The following LTBP1 variants were observed in gnomAD, a reference collection of about 807,000 sequenced individuals.
The protein encoded by LTBP1 is latent transforming growth factor beta binding protein 1.
Under a neutral mutation model 207.6 loss-of-function variants are expected in LTBP1, and 129 were observed. The observed-to-expected ratio is 0.62, with a 90% confidence interval of 0.54 to 0.72. LTBP1 has a LOEUF of 0.72. Among genes scored for constraint, LTBP1 ranks in the 30% least tolerant of loss-of-function variants. The pLI is 0.00. For synonymous variants in LTBP1, 963 were observed against 833.7 expected, an observed-to-expected ratio of 1.16 and a Z score of -2.67; for missense variants, 2,281 against 2,217.2, an observed-to-expected ratio of 1.03 and a Z score of -0.58.
At chr2:33,006,113 A>G (rs1686826039) in intron 2 of LTBP1, among the ~76,000 whole-genome samples, 1 of 151,898 alleles carries the variant, frequency 6.6e-6, no homozygotes, top group Non-Finnish European at 1.5e-5. Context: ...CTAGGAATAC[A>G]TAGTATTTAA....
chr2:33,073,054 C>T lies in LTBP1; in HGVS notation c.864-37528C>T, dbSNP rs79145446. ...AACGTGACCACTGAACATGGTGTTT[C>T]GGTTGGCATTCACGTGGTCATTGTT... On this transcript the variant is annotated intron_variant, in intron 3 of 33. Transcript: ENST00000404816. Among the ~76,000 whole-genome samples, 1,328 of 152,264 alleles carry T rather than the reference C, an allele frequency of 8.7e-3. 20 individuals are homozygous for T. The highest frequency in any genetic ancestry group is 0.03 in the African/African-American group (1,234 of 41,542).
At chr2:33,294,436 ATCTGCCCACCTAGGCC>A (rs1358263378) in intron 20 of LTBP1, among the ~76,000 whole-genome samples, 5 of 151,834 alleles carry the variant, frequency 3.3e-5, no homozygotes, top group African/African-American at 4.8e-5. Flanking sequence ...ACCTCGGGTG[ATCTGCCCACCTAGGCC>A]TCCCAAATTG....
At chr2:33,362,903 T>G (rs1004124549) in intron 28 of LTBP1, among the ~76,000 whole-genome samples, 1 of 152,176 alleles carries the variant, frequency 6.6e-6, no homozygotes, top group Non-Finnish European at 1.5e-5. Flanking sequence ...ATTAATTCTG[T>G]GGGGGAATGG....
At chr2:33,345,045 A>G (rs1366423950) in intron 25 of LTBP1, among the ~76,000 whole-genome samples, 3 of 152,300 alleles carry the variant, frequency 2.0e-5, no homozygotes, top group Non-Finnish European at 4.4e-5. Flanking sequence ...ATGCCATTTT[A>G]TTTGTGTTTG....
Position 33,296,766 on chromosome 2 carries a change from T to G in LTBP1, c.3235+3484T>G, listed in dbSNP as rs1027090058. On this transcript the variant is annotated intron_variant, in intron 20 of 33. Transcript: ENST00000404816. ...TAAAAAAAGGCAGCATATCGGATGC[T>G]AGTCCTGATGCGTAGAAGCTGTGTG... Among the ~76,000 whole-genome samples the G allele has an allele frequency of 2.0e-5, 3 of 152,150 alleles. No homozygotes were observed. The South Asian group carries it at 6.2e-4, about 31-fold the overall frequency.
rs964081801 is a variant in LTBP1 at position 33,076,598 on chromosome 2, G to C, written c.864-33984G>C. 6.6e-4 allele frequency among the ~76,000 whole-genome samples: 100 copies of C among 151,490 alleles called. 3 individuals are homozygous for C. Among genetic ancestry groups the C allele is most frequent in the Non-Finnish European group, 1.8e-4 (12 of 67,926 alleles). ...GTCACCCAGGCTGGAGTGCAGTGGC[G>C]TGATCTCAGCTCACTGCAACCTCTG... is the stretch of plus-strand genomic sequence containing the variant. On this transcript the variant is annotated intron_variant, in intron 3 of 33. Transcript: ENST00000404816.
chr2:33,193,288 T>C (rs572498800), intron 7 of LTBP1, among the ~76,000 whole-genome samples: 133 of 152,068 alleles, frequency 8.7e-4, no homozygotes, highest in African/African-American at 3.1e-3. Flanking sequence ...ATTACAGGTG[T>C]GCACCACCAC....
chr2:32,970,822 A>G (rs961215141), intron 2 of LTBP1, among the ~76,000 whole-genome samples: 2 of 152,022 alleles, frequency 1.3e-5, no homozygotes, highest in Admixed American at 1.3e-4. Context: ...TGATAATAGC[A>G]TTGAACCTGT....
At chr2:33,093,805 A>C (rs976311305) in intron 3 of LTBP1, among the ~76,000 whole-genome samples, 4 of 152,094 alleles carry the variant, frequency 2.6e-5, no homozygotes, top group Admixed American at 6.5e-5. Context: ...AGTAATGATG[A>C]TGATGATTAT....
chr2:33,078,862 C>CTTTTTT (rs34843933), intron 3 of LTBP1, among the ~76,000 whole-genome samples: 8 of 106,884 alleles, frequency 7.5e-5, no homozygotes, highest in Non-Finnish European at 9.1e-5. Flanking sequence ...CTTTTCTTTT[C>CTTTTTT]TTTTTTTTTT....
chr2:33,269,277 A>G (rs934559960), intron 15 of LTBP1, among the ~76,000 whole-genome samples: 1 of 152,250 alleles, frequency 6.6e-6, no homozygotes, highest in Non-Finnish European at 1.5e-5. Flanking sequence ...TGTTGCTGGT[A>G]TAAATAGAGT....
chr2:33,040,396 C>T (rs997659606), intron 3 of LTBP1, among the ~76,000 whole-genome samples: 4 of 152,178 alleles, frequency 2.6e-5, no homozygotes, highest in African/African-American at 7.2e-5. Flanking sequence ...CTGCATTCTG[C>T]GCATATGTGT....
chr2:32,955,588 T>TA (rs1187883691), intron 2 of LTBP1, among the ~76,000 whole-genome samples: 2 of 151,744 alleles, frequency 1.3e-5, no homozygotes, highest in East Asian at 1.9e-4. Flanking sequence ...GAGTGCCTTT[T>TA]AAAAAAGATT....
chr2:33,172,595 C>T (rs1311007370), intron 5 of LTBP1, among the ~76,000 whole-genome samples: 9 of 152,204 alleles, frequency 5.9e-5, no homozygotes, highest in East Asian at 1.9e-4. Flanking sequence ...GACAGATCAG[C>T]GAGACAGAAA....
intron 5 of LTBP1, among the ~76,000 whole-genome samples, chr2:33,158,116 A>G (rs2084132088): frequency 1.3e-5 from 2 of 149,178 alleles, no homozygotes; most frequent in Admixed American, 6.7e-5. Context: ...AGCCTGGGCA[A>G]CAAGAGTGAA....
chr2:33,034,981 G>T (rs1405277406), intron 3 of LTBP1, among the ~76,000 whole-genome samples: 8 of 152,160 alleles, frequency 5.3e-5, no homozygotes, highest in Non-Finnish European at 1.0e-4. Flanking sequence ...GAAGAGGGGG[G>T]TTTAACTCCA....
intron 5 of LTBP1, among the ~76,000 whole-genome samples, chr2:33,157,141 A>C (rs1295011661): frequency 6.6e-6 from 1 of 152,184 alleles, no homozygotes; most frequent in African/African-American, 2.4e-5. Flanking sequence ...ATCTACTTTA[A>C]TCTTAAATGT....
chr2:33,297,321 G>A (rs566739326), intron 20 of LTBP1, among the ~76,000 whole-genome samples: 5 of 152,220 alleles, frequency 3.3e-5, no homozygotes, highest in South Asian at 2.1e-4. Flanking sequence ...CTAGTAGGAA[G>A]CATTATTGTT....
At chr2:33,053,565 G>A (rs143163235) in intron 3 of LTBP1, among the ~76,000 whole-genome samples, 2 of 151,826 alleles carry the variant, frequency 1.3e-5, no homozygotes, top group Non-Finnish European at 2.9e-5. Context: ...TGCCGTCTGG[G>A]TTTCCTTGAT....
Sources: gnomAD v4.1 joint callset for allele counts (sites outside exome capture counted in the v4.1 genomes callset) on GRCh38, gnomAD v4.1.1 for gene constraint, MANE v1.5 for transcripts, NCBI Gene and HGNC (gene_info 2026-07-23, HGNC 2026-07-21) for gene names.